Variants in CXADR observed in about 807,000 individuals in gnomAD.
The protein encoded by CXADR is coxsackievirus and adenovirus receptor.
CXADR carries 20 observed loss-of-function variants against 40.3 expected under a neutral mutation model. That is an observed-to-expected ratio of 0.50 (90% CI 0.35 to 0.72). The LOEUF is 0.72. Among genes scored for constraint, CXADR ranks in the 30% least tolerant of loss-of-function variants. The pLI is 0.01. For synonymous variants in CXADR, 150 were observed against 161.3 expected, an observed-to-expected ratio of 0.93 and a Z score of 0.53; for missense variants, 332 against 449.1, an observed-to-expected ratio of 0.74 and a Z score of 2.36.
intron 1 of CXADR, among the ~76,000 whole-genome samples, chr21:17,528,921 G>GA (rs759446743): frequency 1.2e-4 from 18 of 151,992 alleles, no homozygotes; most frequent in Non-Finnish European, 2.4e-4. Context: ...TCCCGTTCCT[G>GA]ATGTGGATCA....
At chr21:17,604,213 C>G in the CXADR span, 1 of 881,418 alleles carries the variant, frequency 1.1e-6, no homozygotes, top group South Asian at 1.6e-5. Flanking sequence ...GAGGCCAAGG[C>G]GGGCGGATCA....
chr21:17,630,512 C>T, the CXADR span, among the ~76,000 whole-genome samples: 5 of 152,014 alleles, frequency 3.3e-5, no homozygotes, highest in African/African-American at 4.8e-5. Flanking sequence ...GAATAGCCAG[C>T]AATATTAAAA....
chr21:17,563,986 A>G (rs1337479021), intron 6 of CXADR, among the ~76,000 whole-genome samples: 6 of 138,028 alleles, frequency 4.3e-5, no homozygotes, highest in African/African-American at 1.2e-4. Context: ...TGCTTGACAC[A>G]AGGTTACCAC....
intron 7 of CXADR, among the ~76,000 whole-genome samples, chr21:17,583,186 A>C (rs908261614): frequency 3.3e-5 from 5 of 152,228 alleles, no homozygotes; most frequent in Admixed American, 1.3e-4. Context: ...TGCCTTCTCA[A>C]GTAAAAGATA....
At chr21:17,541,777 A>G (rs932332266) in intron 1 of CXADR, among the ~76,000 whole-genome samples, 4 of 152,166 alleles carry the variant, frequency 2.6e-5, no homozygotes, top group Non-Finnish European at 1.5e-5. Flanking sequence ...TTGGTATGCA[A>G]TACTACAGAA....
intron 7 of CXADR, among the ~76,000 whole-genome samples, chr21:17,583,194 A>G (rs1206588836): frequency 1.3e-5 from 2 of 152,210 alleles, no homozygotes; most frequent in South Asian, 2.1e-4. Context: ...CAAGTAAAAG[A>G]TACTATCTGC....
chr21:17,579,485 A>C (rs993935230), intron 7 of CXADR, among the ~76,000 whole-genome samples: 1 of 151,934 alleles, frequency 6.6e-6, no homozygotes, highest in Non-Finnish European at 1.5e-5. Flanking sequence ...GGGGTTTCAC[A>C]GCGTTAGCCA....
At chr21:17,529,187 C>T (rs931341293) in intron 1 of CXADR, among the ~76,000 whole-genome samples, 3 of 150,782 alleles carry the variant, frequency 2.0e-5, no homozygotes, top group South Asian at 2.1e-4. Context: ...TACAGGAGCC[C>T]GCCACCATGC....
chr21:17,517,687 AGTT>A (rs998867354), intron 1 of CXADR, among the ~76,000 whole-genome samples: 9 of 152,180 alleles, frequency 5.9e-5, no homozygotes, highest in Admixed American at 5.9e-4. Flanking sequence ...AAAAAGTTGA[AGTT>A]GTTGTTCCTC....
At chr21:17,548,484 C>T (rs537830179) in intron 2 of CXADR, among the ~76,000 whole-genome samples, 3 of 152,314 alleles carry the variant, frequency 2.0e-5, no homozygotes, top group African/African-American at 7.2e-5. Flanking sequence ...TTACCTCCCC[C>T]TTCTCTCCCT....
At chr21:17,624,929 C>G in the CXADR span, among the ~76,000 whole-genome samples, 1 of 152,152 alleles carries the variant, frequency 6.6e-6, no homozygotes, top group Non-Finnish European at 1.5e-5. Context: ...AAAGAAACAT[C>G]CCCCATTACA....
At chr21:17,539,010 G>C (rs999728426) in intron 1 of CXADR, among the ~76,000 whole-genome samples, 5 of 152,094 alleles carry the variant, frequency 3.3e-5, no homozygotes, top group African/African-American at 1.2e-4. Context: ...GACATAGTAT[G>C]CTTTGAATGA....
chr21:17,514,386 C>A (rs1447728915), intron 1 of CXADR, among the ~76,000 whole-genome samples: 2 of 152,078 alleles, frequency 1.3e-5, no homozygotes, highest in Non-Finnish European at 2.9e-5. Flanking sequence ...ACTACCTCCA[C>A]CTTTTTGATA....
At chr21:17,590,713 A>G (rs1302067988) in intron 7 of CXADR, among the ~76,000 whole-genome samples, 2 of 152,034 alleles carry the variant, frequency 1.3e-5, no homozygotes, top group Non-Finnish European at 2.9e-5. Flanking sequence ...CTAACGTTGT[A>G]CACTCTGTTA....
chr21:17,560,659 A>G (rs769112631), intron 4 of CXADR, 43 bp from the exon 5 acceptor site: 5 of 1,577,318 alleles, frequency 3.2e-6, no homozygotes, highest in Non-Finnish European at 3.5e-6. Flanking sequence ...ATAACAATAC[A>G]TACTATAAAA....
At chr21:17,635,067 G>T in the CXADR span, among the ~76,000 whole-genome samples, 1 of 152,212 alleles carries the variant, frequency 6.6e-6, no homozygotes, top group South Asian at 2.1e-4. Flanking sequence ...GATGGAAGTT[G>T]TAACAAAATG....
chr21:17,538,847 T>C (rs576008649), intron 1 of CXADR, among the ~76,000 whole-genome samples: 1 of 152,118 alleles, frequency 6.6e-6, no homozygotes, highest in African/African-American at 2.4e-5. Flanking sequence ...AGCAATTATA[T>C]AGAGAACACT....
chr21:17,592,579 CA>C (rs1336304987), intron 7 of CXADR, among the ~76,000 whole-genome samples: 2 of 151,772 alleles, frequency 1.3e-5, no homozygotes, highest in Non-Finnish European at 2.9e-5. Flanking sequence ...ATTATCACCA[CA>C]AAACTCTCAA....
intron 3 of CXADR, among the ~76,000 whole-genome samples, chr21:17,554,700 G>A (rs891950343): frequency 6.6e-6 from 1 of 152,168 alleles, no homozygotes; most frequent in Non-Finnish European, 1.5e-5. Flanking sequence ...AAAATTAATT[G>A]GATTGAAGCT....
Sources: allele counts gnomAD v4.1 joint callset (sites outside exome capture counted in the v4.1 genomes callset), GRCh38; gene constraint gnomAD v4.1.1; transcripts MANE v1.5; gene names NCBI Gene and HGNC (gene_info 2026-07-23, HGNC 2026-07-21).